Variants in NRXN3 observed in about 807,000 individuals in gnomAD.
NRXN3 encodes the protein neurexin 3, also known as neurexin III.
In NRXN3, 32 loss-of-function variants were observed where a neutral mutation model predicts 137.6. The ratio of observed to expected loss-of-function variants is 0.23; its 90% CI spans 0.18 to 0.31. The LOEUF is 0.31. NRXN3 is among the 10% of genes least tolerant of loss of function. The pLI, the probability that NRXN3 is intolerant of heterozygous loss-of-function variation, is 1.00. For synonymous variants in NRXN3, 798 were observed against 784.5 expected (o/e 1.02, Z -0.29); for missense variants, 1,574 against 2,062.5 (o/e 0.76, Z 4.59).
chr14:78,573,659 A>G (rs1473417152), intron 4 of NRXN3, among the ~76,000 whole-genome samples: 1 of 152,210 alleles, frequency 6.6e-6, no homozygotes, highest in Non-Finnish European at 1.5e-5. Flanking sequence ...GGGTGTTCTT[A>G]AAAGCATTCA....
At chr14:79,693,778 TG>T (rs1191005953) in intron 18 of NRXN3, among the ~76,000 whole-genome samples, 6 of 130,096 alleles carry the variant, frequency 4.6e-5, no homozygotes, top group Non-Finnish European at 8.1e-5. Flanking sequence ...GGGGTTGGGA[TG>T]GGGGGAGGGG....
chr14:79,174,665 TGTTC>T (rs2062129598), intron 15 of NRXN3, among the ~76,000 whole-genome samples: 1 of 150,682 alleles, frequency 6.6e-6, no homozygotes, highest in South Asian at 2.1e-4. Flanking sequence ...ATTAAGTAAA[TGTTC>T]ACTAATAGAA....
intron 19 of NRXN3, among the ~76,000 whole-genome samples, chr14:79,790,323 G>A (rs938074247): frequency 1.7e-4 from 19 of 112,514 alleles, no homozygotes; most frequent in Admixed American, 2.9e-4. Flanking sequence ...AGGAGGAGGC[G>A]CCACCCTTTT....
intron 15 of NRXN3, among the ~76,000 whole-genome samples, chr14:79,414,100 C>T (rs1395551343): frequency 6.6e-6 from 1 of 151,966 alleles, no homozygotes; most frequent in Non-Finnish European, 1.5e-5. Context: ...TTTAGACTCA[C>T]CATTCTGCGG....
intron 20 of NRXN3, chr14:79,854,031 A>G (rs1328932738): frequency 2.0e-6 from 2 of 984,330 alleles, no homozygotes; most frequent in African/African-American, 3.5e-5. Flanking sequence ...GCCTCCCTGT[A>G]TCATCCTCTG....
intron 1 of NRXN3, among the ~76,000 whole-genome samples, chr14:78,192,414 C>G (rs1261420089): frequency 6.6e-6 from 1 of 152,080 alleles, no homozygotes; most frequent in Non-Finnish European, 1.5e-5. Flanking sequence ...CTCACCATTG[C>G]TCTGCAAAAA....
At chr14:78,699,138 G>C (rs997386358) in intron 6 of NRXN3, among the ~76,000 whole-genome samples, 4 of 152,052 alleles carry the variant, frequency 2.6e-5, no homozygotes, top group African/African-American at 9.7e-5. Context: ...CAATGTGATA[G>C]ATACAATGAT....
intron 15 of NRXN3, among the ~76,000 whole-genome samples, chr14:79,078,096 TA>T (rs1460346388): frequency 6.6e-6 from 1 of 152,174 alleles, no homozygotes; most frequent in Non-Finnish European, 1.5e-5. Context: ...CTTCTGATGT[TA>T]TTTTTTTTGT....
At chr14:78,491,322 C>A (rs1180225595) in intron 4 of NRXN3, among the ~76,000 whole-genome samples, 1 of 152,118 alleles carries the variant, frequency 6.6e-6, no homozygotes, top group East Asian at 1.9e-4. Context: ...CTGGTCAAGT[C>A]CTTCCTGCCA....
chr14:78,816,062 G>C (rs2098931943), intron 10 of NRXN3, among the ~76,000 whole-genome samples: 1 of 151,958 alleles, frequency 6.6e-6, no homozygotes, highest in South Asian at 2.1e-4. Context: ...TATATTTCTT[G>C]TAACATATAG....
Position 78,269,819 on chromosome 14 carries a change from A to C in NRXN3, c.710-8826A>C, listed in dbSNP as rs147091784. 7.2e-4 allele frequency among the ~76,000 whole-genome samples: 110 copies of C among 152,278 alleles called. 1 individual carries two copies. Among genetic ancestry groups the C allele is most frequent in the South Asian group, 4.4e-3 (21 of 4,818 alleles). ...CCTAGAAGACCCACCTGCTTCTCCT[A>C]GAACATTCATCCTGTTGGCCTAAAC... is the stretch of plus-strand genomic sequence containing the variant. On this transcript the variant is annotated intron_variant, in intron 2 of 20. Coordinates refer to ENST00000335750, the MANE Select transcript of NRXN3 (RefSeq NM_001330195.2).
chr14:79,455,779 T>C (rs1194086795), intron 15 of NRXN3, among the ~76,000 whole-genome samples: 1 of 151,938 alleles, frequency 6.6e-6, no homozygotes, highest in Non-Finnish European at 1.5e-5. Flanking sequence ...TAGAGGTTTA[T>C]ATATTTTCTT....
chr14:79,138,483 C>A (rs1596380827), intron 15 of NRXN3, among the ~76,000 whole-genome samples: 2 of 152,332 alleles, frequency 1.3e-5, no homozygotes, highest in East Asian at 3.9e-4. Flanking sequence ...CTGAAAGGCA[C>A]TAGAATCATT....
intron 15 of NRXN3, chr14:79,279,761 C>T (rs970081182): frequency 7.1e-6 from 7 of 988,182 alleles, no homozygotes; most frequent in Non-Finnish European, 8.4e-6. Flanking sequence ...CTGCAGCCCC[C>T]TTTTGCCTGG....
At chr14:78,822,782 T>A (rs1204659210) in intron 10 of NRXN3, among the ~76,000 whole-genome samples, 1 of 151,978 alleles carries the variant, frequency 6.6e-6, no homozygotes, top group South Asian at 2.1e-4. Context: ...TCAGATTCAG[T>A]CTACTCCATT....
chr14:79,084,052 G>A (rs530171686), intron 15 of NRXN3, among the ~76,000 whole-genome samples: 9 of 152,198 alleles, frequency 5.9e-5, no homozygotes, highest in Admixed American at 5.9e-4. Context: ...TGAGACTACA[G>A]GCCTGTACCA....
chr14:79,049,920 G>A (rs1331645438), intron 15 of NRXN3, among the ~76,000 whole-genome samples: 1 of 152,042 alleles, frequency 6.6e-6, no homozygotes, highest in Non-Finnish European at 1.5e-5. Flanking sequence ...ATTCTAGGCA[G>A]TCTCTCTGCA....
chr14:79,127,167 C>T (rs950670021), intron 15 of NRXN3, among the ~76,000 whole-genome samples: 30 of 152,110 alleles, frequency 2.0e-4, no homozygotes, highest in African/African-American at 6.8e-4. Flanking sequence ...TGTGCAGAAG[C>T]TCTTTAGTTT....
chr14:78,293,390 T>C (rs1288294341), intron 3 of NRXN3, among the ~76,000 whole-genome samples: 2 of 152,146 alleles, frequency 1.3e-5, no homozygotes, highest in African/African-American at 4.8e-5. Context: ...GCTTGACTGA[T>C]TCCTCCTTTC....
Sources: allele counts gnomAD v4.1 joint callset (sites outside exome capture counted in the v4.1 genomes callset), GRCh38; gene constraint gnomAD v4.1.1; transcripts MANE v1.5; gene names NCBI Gene and HGNC (gene_info 2026-07-23, HGNC 2026-07-21).